FGF12: variants seen among roughly 807,000 people sequenced by gnomAD.
FGF12 encodes the protein fibroblast growth factor 12, also known as fibroblast growth factor 12B.
Under a neutral mutation model 23.6 loss-of-function variants are expected in FGF12, and 14 were observed. The observed-to-expected ratio is 0.59, with a 90% CI of 0.39 to 0.93. The LOEUF is 0.93. Ranked by LOEUF, FGF12 falls within the 40% of genes least tolerant of loss-of-function variation. FGF12 has a pLI of 0.00. For missense variants in FGF12, 175 were observed against 217.8 expected (o/e 0.80, Z 1.24); for synonymous variants, 62 against 77.3 (o/e 0.80, Z 1.04).
chr3:192,444,091 T>C (rs1264855998), intron 2 of FGF12, among the ~76,000 whole-genome samples: 1 of 152,174 alleles, frequency 6.6e-6, no homozygotes, highest in Non-Finnish European at 1.5e-5. Flanking sequence ...GCATGGACTT[T>C]AACGAGTTGA....
chr3:192,678,991 C>T (rs1470887960), intron 2 of FGF12, among the ~76,000 whole-genome samples: 1 of 152,132 alleles, frequency 6.6e-6, no homozygotes, highest in African/African-American at 2.4e-5. Context: ...AATTTTCATT[C>T]TTAAGTAGTT....
chr3:192,516,022 T>G (rs1724657155), intron 2 of FGF12, among the ~76,000 whole-genome samples: 2 of 152,112 alleles, frequency 1.3e-5, no homozygotes, highest in African/African-American at 4.8e-5. Context: ...CAGCGTTAAG[T>G]TCAAATTCCT....
chr3:192,472,789 T>C (rs566919035), intron 2 of FGF12, among the ~76,000 whole-genome samples: 1 of 152,284 alleles, frequency 6.6e-6, no homozygotes, highest in Admixed American at 6.5e-5. Context: ...TGCCCTTCGT[T>C]CCTACCAGGG....
In FGF12 at chr3:192,507,151, C is replaced by T. The variant is rs979673363; in HGVS notation, c.14-146613G>A. ...TCGTGATCTGCCCGCCTCGGCCTCC[C>T]AGAGTGCTGGGATTACAGGCGTGAG... On this transcript the variant is annotated intron_variant, in intron 2 of 5. Coordinates refer to ENST00000445105, the MANE Select transcript of FGF12 (RefSeq NM_004113.6). Among the ~76,000 whole-genome samples the T allele has an allele frequency of 4.8e-4, 73 of 152,192 alleles. 1 individual carries two copies. The highest frequency in any genetic ancestry group is 1.7e-3 in the African/African-American group (70 of 41,524).
intron 2 of FGF12, among the ~76,000 whole-genome samples, chr3:192,574,594 T>G (rs1427917975): frequency 1.3e-5 from 2 of 152,208 alleles, no homozygotes; most frequent in Non-Finnish European, 2.9e-5. Context: ...GCATTCCCCA[T>G]TCAAACCCCT....
intron 2 of FGF12, among the ~76,000 whole-genome samples, chr3:192,399,958 C>A (rs1490458766): frequency 6.6e-6 from 1 of 152,194 alleles, no homozygotes; most frequent in African/African-American, 2.4e-5. Flanking sequence ...ACAAGACCGC[C>A]ACCCTCAGGA....
intron 2 of FGF12, among the ~76,000 whole-genome samples, chr3:192,680,267 T>C (rs1454276914): frequency 1.3e-5 from 2 of 152,146 alleles, no homozygotes; most frequent in East Asian, 1.9e-4. Context: ...TGGGGAATGA[T>C]TAGAAGATTA....
intron 2 of FGF12, among the ~76,000 whole-genome samples, chr3:192,635,166 A>T (rs1366875743): frequency 2.0e-5 from 3 of 152,194 alleles, no homozygotes. Context: ...GACGGAGAAT[A>T]ATTTTTAAAA....
At chr3:192,197,658 C>G (rs765934497) in intron 4 of FGF12, among the ~76,000 whole-genome samples, 1 of 152,122 alleles carries the variant, frequency 6.6e-6, no homozygotes, top group African/African-American at 2.4e-5. Context: ...CAAAGCCCTC[C>G]TGGGGGCCGG....
chr3:192,291,988 A>G (rs1287710588), intron 4 of FGF12, among the ~76,000 whole-genome samples: 1 of 152,210 alleles, frequency 6.6e-6, no homozygotes, highest in African/African-American at 2.4e-5. Flanking sequence ...ATGCCATTTA[A>G]GTAGAAATAG....
At chr3:192,578,621 C>A (rs562046357) in intron 2 of FGF12, among the ~76,000 whole-genome samples, 1 of 152,224 alleles carries the variant, frequency 6.6e-6, no homozygotes, top group Admixed American at 6.5e-5. Context: ...ACTTTTAGAG[C>A]CAAGTAATAG....
At chr3:192,499,493 C>CATATATATATATATATATATAT (rs3043763) in intron 2 of FGF12, among the ~76,000 whole-genome samples, 1 of 26,170 alleles carries the variant, frequency 3.8e-5, no homozygotes, top group African/African-American at 2.0e-4. Context: ...TGCTAGCATC[C>CATATATATATATATATATATAT]ATATATATAT....
intron 2 of FGF12, among the ~76,000 whole-genome samples, chr3:192,460,359 C>A (rs759271133): frequency 6.6e-6 from 1 of 152,136 alleles, no homozygotes; most frequent in Non-Finnish European, 1.5e-5. Flanking sequence ...AATTCAGAAA[C>A]CTGCCTGAGT....
At chr3:192,207,484 C>T (rs556103482) in intron 4 of FGF12, among the ~76,000 whole-genome samples, 11 of 152,234 alleles carry the variant, frequency 7.2e-5, no homozygotes, top group African/African-American at 2.2e-4. Flanking sequence ...TTGTTGGACA[C>T]GGAGCGATCC....
intron 2 of FGF12, among the ~76,000 whole-genome samples, chr3:192,694,206 C>T (rs1170567299): frequency 6.6e-6 from 1 of 152,046 alleles, no homozygotes; most frequent in Non-Finnish European, 1.5e-5. Context: ...CACCTCACAC[C>T]TGTTAGGATG....
chr3:192,452,846 A>G (rs1403841432), intron 2 of FGF12, among the ~76,000 whole-genome samples: 3 of 152,160 alleles, frequency 2.0e-5, no homozygotes, highest in Non-Finnish European at 4.4e-5. Flanking sequence ...GCTGCTCCTA[A>G]GATCTCTTTT....
intron 2 of FGF12, among the ~76,000 whole-genome samples, chr3:192,389,121 A>G (rs929398064): frequency 6.6e-6 from 1 of 152,224 alleles, no homozygotes; most frequent in Non-Finnish European, 1.5e-5. Flanking sequence ...GCACTTTGGG[A>G]GGCCGAGGCA....
chr3:192,637,976 C>T (rs1715646577), intron 2 of FGF12, among the ~76,000 whole-genome samples: 1 of 152,162 alleles, frequency 6.6e-6, no homozygotes. Context: ...AGGTGGCTTG[C>T]CTCCAGGCCA....
At chr3:192,506,519 C>T (rs1724304462) in intron 2 of FGF12, among the ~76,000 whole-genome samples, 1 of 151,908 alleles carries the variant, frequency 6.6e-6, no homozygotes, top group Non-Finnish European at 1.5e-5. Flanking sequence ...TATAGCTGCG[C>T]AACACTGCAA....
Sources: allele counts gnomAD v4.1 joint callset (sites outside exome capture counted in the v4.1 genomes callset), GRCh38; gene constraint gnomAD v4.1.1; transcripts MANE v1.5; gene names NCBI Gene and HGNC (gene_info 2026-07-23, HGNC 2026-07-21).